Variants in RTN1 observed in about 807,000 individuals in gnomAD.
RTN1 encodes the protein reticulon-1.
RTN1 carries 25 observed loss-of-function variants against 65.5 expected under a neutral mutation model. The ratio of observed to expected loss-of-function variants is 0.38; its 90% CI spans 0.28 to 0.53. The LOEUF is 0.53. RTN1 is among the 20% of genes least tolerant of loss of function. The probability of loss-of-function intolerance (pLI) is 0.79; values close to 1 mark genes in which losing one functional copy is unlikely to be tolerated. For synonymous variants in RTN1, 471 were observed against 447.6 expected (o/e 1.05, Z -0.66); for missense variants, 983 against 1,025.4 (o/e 0.96, Z 0.57).
chr14:59,838,998 A>G (rs952907558), intron 1 of RTN1, among the ~76,000 whole-genome samples: 1 of 152,184 alleles, frequency 6.6e-6, no homozygotes, highest in African/African-American at 2.4e-5. Flanking sequence ...TACATATTAC[A>G]AAGTTTCATA....
intron 1 of RTN1, among the ~76,000 whole-genome samples, chr14:59,807,492 G>C (rs1210307416): frequency 6.6e-6 from 1 of 152,170 alleles, no homozygotes; most frequent in East Asian, 1.9e-4. Flanking sequence ...TTTCACATCA[G>C]TGCCATTCAA....
At chr14:59,761,963 G>A (rs1042936429) in intron 1 of RTN1, among the ~76,000 whole-genome samples, 2 of 152,178 alleles carry the variant, frequency 1.3e-5, no homozygotes, top group Non-Finnish European at 2.9e-5. Context: ...ACAACTAAGC[G>A]GTAATGCTGT....
At chr14:59,777,825 A>AAC (rs1566723765) in intron 1 of RTN1, among the ~76,000 whole-genome samples, 944 of 76,182 alleles carry the variant, frequency 0.012, 12 homozygotes, top group African/African-American at 0.045. Context: ...ACAACAACAA[A>AAC]AAAAAAAAAC....
At chr14:59,649,822 C>T (rs1882985342) in intron 3 of RTN1, among the ~76,000 whole-genome samples, 1 of 152,160 alleles carries the variant, frequency 6.6e-6, no homozygotes, top group Non-Finnish European at 1.5e-5. Context: ...TTAGTTCAAC[C>T]ATTGTGGAAC....
At chr14:59,857,593 C>A (rs1887631169) in intron 1 of RTN1, among the ~76,000 whole-genome samples, 1 of 152,214 alleles carries the variant, frequency 6.6e-6, no homozygotes, top group Non-Finnish European at 1.5e-5. Flanking sequence ...TCTCATCTTT[C>A]TTCCCATGTA....
chr14:59,632,842 TC>T (rs1173526263), intron 3 of RTN1, among the ~76,000 whole-genome samples: 1 of 151,960 alleles, frequency 6.6e-6, no homozygotes, highest in Admixed American at 6.6e-5. Flanking sequence ...ACTCCTGTAA[TC>T]CTAGCATTTT....
At chr14:59,642,202 C>G (rs765497478) in intron 3 of RTN1, among the ~76,000 whole-genome samples, 2 of 152,054 alleles carry the variant, frequency 1.3e-5, no homozygotes, top group Admixed American at 1.3e-4. Context: ...GTTGAAAGGT[C>G]AGTAATTAGT....
At chr14:59,647,607 A>T (rs1386136859) in intron 3 of RTN1, among the ~76,000 whole-genome samples, 1 of 152,198 alleles carries the variant, frequency 6.6e-6, no homozygotes, top group East Asian at 1.9e-4. Context: ...TCACTCTTGG[A>T]TAGCAGTGAA....
At chr14:59,859,297 C>T (rs186204551) in intron 1 of RTN1, among the ~76,000 whole-genome samples, 2 of 152,170 alleles carry the variant, frequency 1.3e-5, no homozygotes, top group Admixed American at 6.5e-5. Context: ...CTCGTGATAG[C>T]GAGATCTGAT....
At chr14:59,718,952 A>G (rs896551718) in intron 3 of RTN1, among the ~76,000 whole-genome samples, 4 of 152,114 alleles carry the variant, frequency 2.6e-5, no homozygotes, top group Non-Finnish European at 5.9e-5. Context: ...CATTCCTCTC[A>G]TCTCCAATGC....
intron 1 of RTN1, among the ~76,000 whole-genome samples, chr14:59,861,485 G>A (rs1446577686): frequency 6.6e-6 from 1 of 152,132 alleles, no homozygotes; most frequent in Middle Eastern, 3.2e-3. Context: ...AAGTAATAAT[G>A]TAACAATAAC....
At chr14:59,711,319 A>G (rs1884413963) in intron 3 of RTN1, among the ~76,000 whole-genome samples, 1 of 152,200 alleles carries the variant, frequency 6.6e-6, no homozygotes, top group Non-Finnish European at 1.5e-5. Context: ...ATGTCAGCTG[A>G]ACCTCAGAAA....
At chr14:59,860,297 G>T (rs550561063) in intron 1 of RTN1, among the ~76,000 whole-genome samples, 1 of 152,202 alleles carries the variant, frequency 6.6e-6, no homozygotes, top group African/African-American at 2.4e-5. Flanking sequence ...GCTTCAGAGG[G>T]TGCAAACCCC....
intron 8 of RTN1, among the ~76,000 whole-genome samples, chr14:59,598,049 G>T (rs1023171702): frequency 1.1e-4 from 17 of 152,022 alleles, no homozygotes; most frequent in South Asian, 2.1e-4. Flanking sequence ...GATTAATGTT[G>T]TAAGAAGATC....
At chr14:59,837,147 G>C (rs1887226886) in intron 1 of RTN1, among the ~76,000 whole-genome samples, 1 of 151,964 alleles carries the variant, frequency 6.6e-6, no homozygotes, top group Non-Finnish European at 1.5e-5. Context: ...ATGTAACAGA[G>C]TAGGAAGCTT....
chr14:59,806,008 T>C (rs1042955888), intron 1 of RTN1, among the ~76,000 whole-genome samples: 33 of 151,962 alleles, frequency 2.2e-4, no homozygotes, highest in Non-Finnish European at 4.4e-4. Flanking sequence ...GAGGCTGAGG[T>C]GGGCGGATCA....
rs772287769 is a variant in RTN1 at position 59,727,095 on chromosome 14, G to T, written c.1589C>A (p.Pro530His). Residue 530 changes from proline (P) to histidine (H), a missense_variant, in exon 3 of 9, where the codon CCC (proline) becomes CAC (histidine). Coordinates refer to ENST00000267484, the MANE Select transcript of RTN1 (RefSeq NM_021136.3). This position sits in a 1 kb window ranked among gnomAD's most constrained non-coding sequence, Gnocchi z 4.2. The part of the protein sequence containing the change: ...GSFLDYPSTE[P>H]QPGPELPPGD... ...AGGGGGCAGCTCGGGGCCAGGCTGG[G>T]GCTCAGTTGAGGGGTAGTCGAGGAA... 1.2e-6 allele frequency: 2 copies of T among 1,611,330 alleles called. No individual in the cohort carries two copies. Among genetic ancestry groups the T allele is most frequent in the East Asian group, 2.2e-5 (1 of 44,746 alleles).
intron 1 of RTN1, among the ~76,000 whole-genome samples, chr14:59,857,450 CT>C (rs1887628030): frequency 6.6e-6 from 1 of 152,180 alleles, no homozygotes; most frequent in Non-Finnish European, 1.5e-5. Flanking sequence ...CCAGTTCCCC[CT>C]CCCACCCTCT....
chr14:59,665,565 T>C (rs2140210473), intron 3 of RTN1, among the ~76,000 whole-genome samples: 1 of 152,222 alleles, frequency 6.6e-6, no homozygotes, highest in Non-Finnish European at 1.5e-5. Flanking sequence ...AACATCGTAG[T>C]GAGAGGATCA....
Sources: allele counts gnomAD v4.1 joint callset (sites outside exome capture counted in the v4.1 genomes callset), GRCh38; gene constraint gnomAD v4.1.1; non-coding constraint Gnocchi (gnomAD v3.1); transcripts MANE v1.5; gene names NCBI Gene and HGNC (gene_info 2026-07-23, HGNC 2026-07-21).